Variants in AMBRA1 observed in about 807,000 individuals in gnomAD.
AMBRA1 encodes activating molecule in BECN1-regulated autophagy protein 1.
Under a neutral mutation model 125.4 loss-of-function variants are expected in AMBRA1, and 47 were observed. The observed-to-expected ratio is 0.37, with a 90% CI of 0.30 to 0.48. The LOEUF is 0.48. AMBRA1 is among the 20% of genes least tolerant of loss of function. The probability of loss-of-function intolerance (pLI) is 0.99; values close to 1 mark genes in which losing one functional copy is unlikely to be tolerated. For missense variants in AMBRA1, 1,331 were observed against 1,693.4 expected (o/e 0.79, Z 3.76); for synonymous variants, 626 against 655.5 (o/e 0.95, Z 0.69).
chr11:46,540,942 T>C (rs2135162301), intron 7 of AMBRA1, among the ~76,000 whole-genome samples: 1 of 152,368 alleles, frequency 6.6e-6, no homozygotes, highest in East Asian at 1.9e-4. Flanking sequence ...ACTGAGTGAC[T>C]GTCTAAAGCA....
intron 11 of AMBRA1, among the ~76,000 whole-genome samples, chr11:46,471,776 C>T (rs888746364): frequency 5.9e-5 from 9 of 151,588 alleles, no homozygotes; most frequent in Non-Finnish European, 1.0e-4. Flanking sequence ...TACAGGCACG[C>T]GTCACCATGC....
At chr11:46,546,743 A>C (rs764187065) in intron 4 of AMBRA1, among the ~76,000 whole-genome samples, 2 of 152,210 alleles carry the variant, frequency 1.3e-5, no homozygotes, top group African/African-American at 2.4e-5. Context: ...TTCCAGAATT[A>C]AAAAACCAAT....
At chr11:46,420,879 CGAG>C (rs1946814045) in intron 14 of AMBRA1, among the ~76,000 whole-genome samples, 2 of 152,080 alleles carry the variant, frequency 1.3e-5, no homozygotes, top group African/African-American at 2.4e-5. Context: ...AGTAGCCTTA[CGAG>C]GAGAATAATA....
intron 1 of AMBRA1, among the ~76,000 whole-genome samples, chr11:46,571,804 C>T (rs1326463196): frequency 6.6e-6 from 1 of 150,524 alleles, no homozygotes; most frequent in East Asian, 2.0e-4. Context: ...ATTCTCCTGC[C>T]TCAGCCTCCT....
At chr11:46,498,857 T>G (rs377512695) in intron 9 of AMBRA1, among the ~76,000 whole-genome samples, 1 of 152,256 alleles carries the variant, frequency 6.6e-6, no homozygotes, top group Admixed American at 6.5e-5. Flanking sequence ...TGTTTCCCTA[T>G]GCTGCTCTGT....
chr11:46,435,989 G>A (rs1304432819), intron 12 of AMBRA1, among the ~76,000 whole-genome samples: 1 of 152,186 alleles, frequency 6.6e-6, no homozygotes, highest in Admixed American at 6.5e-5. Flanking sequence ...CACATCATGG[G>A]CCCGGGCAGA....
chr11:46,407,507 C>T (rs911668697), intron 17 of AMBRA1, among the ~76,000 whole-genome samples: 3 of 152,232 alleles, frequency 2.0e-5, no homozygotes, highest in East Asian at 1.9e-4. Flanking sequence ...AGGCTCACAG[C>T]GGAGGTTGGC....
At chr11:46,518,792 A>C (rs941534084) in intron 7 of AMBRA1, among the ~76,000 whole-genome samples, 9 of 152,240 alleles carry the variant, frequency 5.9e-5, no homozygotes, top group Non-Finnish European at 1.2e-4. Context: ...AGCTCTGCTA[A>C]AATCATAATA....
intron 1 of AMBRA1, among the ~76,000 whole-genome samples, chr11:46,573,812 C>A: frequency 8.2e-6 from 1 of 122,386 alleles, no homozygotes; most frequent in Non-Finnish European, 1.7e-5. Flanking sequence ...GCTATCCCTC[C>A]CCCTCCCCCC....
intron 1 of AMBRA1, among the ~76,000 whole-genome samples, chr11:46,579,038 AAAGC>A (rs1361795268): frequency 1.4e-5 from 2 of 148,112 alleles, no homozygotes; most frequent in African/African-American, 2.5e-5. Flanking sequence ...TGACCACAAG[AAAGC>A]AATAAAAAAA....
Position 46,463,147 on chromosome 11 carries a change from T to C in AMBRA1, c.2522-19549A>G, listed in dbSNP as rs1422859319. Among the ~76,000 whole-genome samples, 4 of 152,356 alleles carry C rather than the reference T, an allele frequency of 2.6e-5. No homozygotes were observed. In the South Asian group the frequency reaches 6.2e-4, roughly 24 times the overall value. On this transcript the variant is annotated intron_variant, in intron 11 of 17. Coordinates refer to ENST00000683756, the MANE Select transcript of AMBRA1 (RefSeq NM_001387011.1). Reference sequence around the variant, plus strand: ...CCCATGGCACTTTGTTTCTCTCTTATTCTGTTACAGTTCTTCTGCTCAATT... The same window carrying C: ...CCCATGGCACTTTGTTTCTCTCTTACTCTGTTACAGTTCTTCTGCTCAATT...
chr11:46,489,697 A>C (rs1950397130), intron 11 of AMBRA1, among the ~76,000 whole-genome samples: 1 of 152,200 alleles, frequency 6.6e-6, no homozygotes, highest in Non-Finnish European at 1.5e-5. Flanking sequence ...GACAGCTAAT[A>C]CCCCACATTA....
At chr11:46,550,690 T>A (rs1255087642) in intron 1 of AMBRA1, among the ~76,000 whole-genome samples, 1 of 152,130 alleles carries the variant, frequency 6.6e-6, no homozygotes, top group Non-Finnish European at 1.5e-5. Context: ...ACTACTTCTG[T>A]CTTATTGCTT....
intron 1 of AMBRA1, among the ~76,000 whole-genome samples, chr11:46,563,449 T>C (rs1207627428): frequency 6.6e-6 from 1 of 152,146 alleles, no homozygotes; most frequent in Non-Finnish European, 1.5e-5. Flanking sequence ...GTTCTCAAAC[T>C]CCTGGGCTCA....
chr11:46,472,373 G>A (rs916112448), intron 11 of AMBRA1, among the ~76,000 whole-genome samples: 8 of 152,124 alleles, frequency 5.3e-5, no homozygotes, highest in African/African-American at 1.4e-4. Context: ...TTCAGCTACC[G>A]CAAATAACCT....
intron 11 of AMBRA1, among the ~76,000 whole-genome samples, chr11:46,473,631 TG>T (rs1194808195): frequency 6.6e-6 from 1 of 152,212 alleles, no homozygotes; most frequent in Non-Finnish European, 1.5e-5. Context: ...AGAAAAATAA[TG>T]GATCCTTTAA....
At chr11:46,410,877 C>A (rs1042059317) in intron 15 of AMBRA1, among the ~76,000 whole-genome samples, 4 of 152,154 alleles carry the variant, frequency 2.6e-5, no homozygotes, top group African/African-American at 9.7e-5. Context: ...CCGAGGCGGG[C>A]AGATCACAAG....
intron 8 of AMBRA1, among the ~76,000 whole-genome samples, chr11:46,512,232 G>A (rs1414021352): frequency 6.6e-6 from 1 of 152,136 alleles, no homozygotes; most frequent in Non-Finnish European, 1.5e-5. Context: ...CTCCTTCTTC[G>A]GTCGTCTCTT....
rs16938510 is a variant in AMBRA1, at chr11:46,475,060, A to G, written c.2521+18548T>C. 6.6e-3 allele frequency among the ~76,000 whole-genome samples: 1,011 copies of G among 152,272 alleles called. 14 individuals carry two copies. Among genetic ancestry groups the G allele is most frequent in the African/African-American group, 0.023 (963 of 41,532 alleles). ...AGAAAATGAGTGAGGTGAATTGAAT[A>G]TATCTTAAACTGAAAAACAGTCTTA... On this transcript the variant is annotated intron_variant, in intron 11 of 17. Transcript: ENST00000683756.
Sources: allele counts gnomAD v4.1 joint callset (sites outside exome capture counted in the v4.1 genomes callset), GRCh38; gene constraint gnomAD v4.1.1; transcripts MANE v1.5; gene names NCBI Gene and HGNC (gene_info 2026-07-23, HGNC 2026-07-21).